Variants in TENM3 observed in about 807,000 individuals in gnomAD.
The protein encoded by TENM3 is teneurin transmembrane protein 3, also known as teneurin-3.
In TENM3, 63 loss-of-function variants were observed where a neutral mutation model predicts 255.1. That is an observed-to-expected ratio of 0.25 (90% CI 0.20 to 0.30). TENM3 has a LOEUF of 0.30. Ranked by LOEUF, TENM3 falls within the 10% of genes least tolerant of loss-of-function variation. TENM3 has a pLI of 1.00. For synonymous variants in TENM3, 1,306 were observed against 1,322.3 expected (o/e 0.99, Z 0.27); for missense variants, 2,929 against 3,461.1 (o/e 0.85, Z 3.86).
the TENM3 span, among the ~76,000 whole-genome samples, chr4:181,840,119 T>C: frequency 4.5e-4 from 69 of 152,230 alleles, no homozygotes; most frequent in African/African-American, 1.7e-3. Context: ...TTTATATACA[T>C]AAATATTTTA....
At chr4:181,510,561 AT>A in the TENM3 span, among the ~76,000 whole-genome samples, 5 of 151,562 alleles carry the variant, frequency 3.3e-5, no homozygotes, top group South Asian at 2.1e-4. Context: ...ATAACCACAC[AT>A]TTTTTTTAAA....
At chr4:182,725,330 GT>G (rs943752359) in intron 13 of TENM3, among the ~76,000 whole-genome samples, 4 of 151,916 alleles carry the variant, frequency 2.6e-5, no homozygotes, top group African/African-American at 9.7e-5. Flanking sequence ...CTGGCTAATT[GT>G]TTTTTTGAAG....
At chr4:182,359,340 A>T (rs1328345354) in intron 3 of TENM3, among the ~76,000 whole-genome samples, 1 of 151,920 alleles carries the variant, frequency 6.6e-6, no homozygotes, top group African/African-American at 2.4e-5. Flanking sequence ...CTGTGAATCC[A>T]TCTGGTCCTG....
At position 182,793,095 on chromosome 4, in the gene TENM3, T is replaced by A; in HGVS notation, c.6423T>A (p.Val2141=). ...ATGTTGATGGACAGCTCCAAACAGT[T>A]TACCTCAATGAAAAGATAATGTGGC... ...EYDVDGQLQT[V]YLNEKIMWRY... The change falls in exon 26 of 28, where the codon GTT becomes GTA. Residue 2141 remains valine (V), a synonymous_variant. Transcript: ENST00000511685. This position sits in a 1 kb window ranked among gnomAD's most constrained non-coding sequence, Gnocchi z 5.7. The A allele has an allele frequency of 1.2e-6, 2 of 1,613,948 alleles. No homozygotes were observed. The highest frequency in any genetic ancestry group is 1.7e-6 in the Non-Finnish European group (2 of 1,179,886).
In TENM3 at chr4:182,244,017, G is replaced by A. The variant is rs1429948326; in HGVS notation, c.-76+541G>A. Among the ~76,000 whole-genome samples the A allele has an allele frequency of 4.3e-5, 6 of 139,600 alleles. No individual in the cohort carries two copies. In the South Asian group the frequency reaches 6.7e-4, roughly 16 times the overall value. 91.6% of individuals were successfully genotyped at this position (139,600 alleles called of 152,430 possible). On this transcript the variant is annotated intron_variant, in intron 1 of 27. Transcript: ENST00000511685. ...CGCCCAGGCTGGAGTGCAGTGGCGT[G>A]ACCTCGGCTCACTGCAAGCTCCGCC...
intron 5 of TENM3, among the ~76,000 whole-genome samples, chr4:182,649,469 T>C (rs1467536511): frequency 6.6e-6 from 1 of 150,458 alleles, no homozygotes; most frequent in African/African-American, 2.4e-5. Context: ...TATATTCACC[T>C]AGAAATACAT....
chr4:182,056,074 T>C, the TENM3 span, among the ~76,000 whole-genome samples: 1 of 152,110 alleles, frequency 6.6e-6, no homozygotes, highest in Non-Finnish European at 1.5e-5. Context: ...TGTTCTCCTG[T>C]TTAGCTGTCA....
At chr4:182,106,538 C>G in the TENM3 span, among the ~76,000 whole-genome samples, 1 of 152,136 alleles carries the variant, frequency 6.6e-6, no homozygotes, top group Non-Finnish European at 1.5e-5. Context: ...GGAAAAACCA[C>G]CTTGGCCATC....
chr4:181,468,420 C>A, the TENM3 span, among the ~76,000 whole-genome samples: 1 of 152,128 alleles, frequency 6.6e-6, no homozygotes, highest in Non-Finnish European at 1.5e-5. Context: ...CAATTTTCTG[C>A]ATTTTATTTT....
intron 3 of TENM3, among the ~76,000 whole-genome samples, chr4:182,438,301 T>C (rs1772198837): frequency 6.6e-6 from 1 of 152,344 alleles, no homozygotes; most frequent in Non-Finnish European, 1.5e-5. Flanking sequence ...ATTTTTATCA[T>C]CAACTGCAGT....
the TENM3 span, among the ~76,000 whole-genome samples, chr4:181,447,889 A>G: frequency 6.6e-6 from 1 of 152,132 alleles, no homozygotes; most frequent in Non-Finnish European, 1.5e-5. Flanking sequence ...AGACTGTCAA[A>G]CAACTATTTT....
At chr4:182,075,905 A>T in the TENM3 span, among the ~76,000 whole-genome samples, 1 of 152,044 alleles carries the variant, frequency 6.6e-6, no homozygotes, top group Non-Finnish European at 1.5e-5. Context: ...TTAGTTCTTC[A>T]TATATCTTCT....
chr4:182,661,959 A>G (rs1291050565), intron 6 of TENM3, among the ~76,000 whole-genome samples: 1 of 152,170 alleles, frequency 6.6e-6, no homozygotes, highest in African/African-American at 2.4e-5. Context: ...GCATTTTATA[A>G]TTTTCACTGA....
In TENM3 at chr4:182,318,687, G is replaced by A. The variant is rs571947404; in HGVS notation, c.-75-5259G>A. ...GTGCTATGGTTAGTAGCTGAGTTGC[G>A]TTTCAAGGAGCTAATGAAAATTAAC... On this transcript the variant is annotated intron_variant, in intron 1 of 27. Coordinates refer to ENST00000511685, the MANE Select transcript of TENM3 (RefSeq NM_001080477.4). 1.5e-4 allele frequency among the ~76,000 whole-genome samples: 23 copies of A among 152,274 alleles called. No homozygotes were observed. In the South Asian group the frequency reaches 1.9e-3, roughly 12 times the overall value.
chr4:182,489,639 A>T (rs1735087719), intron 3 of TENM3, among the ~76,000 whole-genome samples: 1 of 152,212 alleles, frequency 6.6e-6, no homozygotes, highest in Non-Finnish European at 1.5e-5. Context: ...ACATAATTTC[A>T]TGAAACCTTT....
the TENM3 span, among the ~76,000 whole-genome samples, chr4:181,453,322 G>A: frequency 2.0e-5 from 3 of 152,134 alleles, no homozygotes; most frequent in African/African-American, 4.8e-5. Context: ...GTGGAGGGAA[G>A]CTTGGGGAGG....
At chr4:182,480,613 T>A (rs1382926575) in intron 3 of TENM3, among the ~76,000 whole-genome samples, 1 of 152,132 alleles carries the variant, frequency 6.6e-6, no homozygotes, top group East Asian at 1.9e-4. Flanking sequence ...AGATGAAAAG[T>A]TAAAATTTGG....
At chr4:182,540,178 C>T (rs61573599) in intron 3 of TENM3, among the ~76,000 whole-genome samples, 39,321 of 152,178 alleles carry the variant, frequency 0.26, 6,248 homozygotes, top group South Asian at 0.38. Context: ...AGGCCTCTAG[C>T]ATTTCCTCCA....
At chr4:181,812,446 A>G in the TENM3 span, among the ~76,000 whole-genome samples, 1 of 152,190 alleles carries the variant, frequency 6.6e-6, no homozygotes, top group Admixed American at 6.6e-5. Context: ...TAAAGGAAAA[A>G]TTAGTTATGC....
Sources: allele counts gnomAD v4.1 joint callset (sites outside exome capture counted in the v4.1 genomes callset), GRCh38; gene constraint gnomAD v4.1.1; non-coding constraint Gnocchi (gnomAD v3.1); transcripts MANE v1.5; gene names NCBI Gene and HGNC (gene_info 2026-07-23, HGNC 2026-07-21).